The following MAGI1 variants were observed in gnomAD, a reference collection of about 807,000 sequenced individuals.
MAGI1 encodes the protein membrane-associated guanylate kinase, WW and PDZ domain-containing protein 1.
In MAGI1, 58 loss-of-function variants were observed where a neutral mutation model predicts 139.9. That is an observed-to-expected ratio of 0.41 (90% CI 0.34 to 0.52). The LOEUF (loss-of-function observed/expected upper bound fraction) is 0.52, where lower values mean the gene tolerates loss of function less well. Ranked by LOEUF, MAGI1 falls within the 20% of genes least tolerant of loss-of-function variation. MAGI1 has a pLI of 0.12. For missense variants in MAGI1, 1,874 were observed against 1,901.6 expected (o/e 0.99, Z 0.27); for synonymous variants, 812 against 737.9 (o/e 1.10, Z -1.63).
intron 1 of MAGI1, among the ~76,000 whole-genome samples, chr3:65,749,333 T>C (rs1229138708): frequency 6.6e-6 from 1 of 152,150 alleles, no homozygotes; most frequent in Non-Finnish European, 1.5e-5. Context: ...TGATTCTATG[T>C]AAAACATGAC....
rs1170215972 is a variant in MAGI1, at chr3:65,548,511, C to CTTTTTTTTTTTTT, written c.431-54893_431-54881dup. On this transcript the variant is annotated intron_variant, in intron 2 of 22. Transcript: ENST00000402939. The stretch of plus-strand genomic sequence containing the variant: ...AGCCCAGCTTTATGCAAACAACACT[C>CTTTTTTTTTTTTT]TTTTTTTTTTTTTTTTTTTTTTTTT... 2.3e-4 allele frequency among the ~76,000 whole-genome samples: 20 copies of CTTTTTTTTTTTTT among 87,386 alleles called. 2 individuals carry two copies. Among genetic ancestry groups the CTTTTTTTTTTTTT allele is most frequent in the Admixed American group, 7.6e-4 (5 of 6,596 alleles). 57.3% of individuals were successfully genotyped at this position (87,386 alleles called of 152,430 possible).
At position 65,437,114 on chromosome 3, in the gene MAGI1, G is replaced by C. The variant is rs183626369; in HGVS notation, c.1363+41C>G. The C allele has an allele frequency of 1.5e-3, 2,044 of 1,388,258 alleles. 18 individuals are homozygous for C. Among genetic ancestry groups the C allele is most frequent in the Non-Finnish European group, 9.3e-4 (929 of 997,286 alleles). 86.0% of individuals were successfully genotyped at this position (1,388,258 alleles called of 1,614,324 possible). ...AATACCTTAAAAAAAATTAGATTTTGAGCTAAAACCATGACACAATTAGAA... is the reference window on the plus strand; with the variant it reads ...AATACCTTAAAAAAAATTAGATTTTCAGCTAAAACCATGACACAATTAGAA... On this transcript the variant is annotated intron_variant, in intron 10 of 22. Transcript: ENST00000402939.
chr3:65,480,811 C>T (rs1951235028), intron 3 of MAGI1, among the ~76,000 whole-genome samples: 1 of 152,066 alleles, frequency 6.6e-6, no homozygotes, highest in Admixed American at 6.5e-5. Flanking sequence ...TGGTCTGGAA[C>T]TCCTGACCTG....
intron 5 of MAGI1, among the ~76,000 whole-genome samples, chr3:65,456,579 T>C (rs924007677): frequency 1.3e-5 from 2 of 152,332 alleles, no homozygotes; most frequent in Admixed American, 1.3e-4. Context: ...TTGCTTTTGA[T>C]GTCTCTTTGC....
At chr3:65,788,545 C>T (rs2039546759) in intron 1 of MAGI1, among the ~76,000 whole-genome samples, 1 of 152,214 alleles carries the variant, frequency 6.6e-6, no homozygotes, top group Admixed American at 6.5e-5. Context: ...CACACCCCAT[C>T]ACCAGCTGCG....
At chr3:65,922,487 C>A (rs1011901414) in intron 1 of MAGI1, among the ~76,000 whole-genome samples, 1 of 152,036 alleles carries the variant, frequency 6.6e-6, no homozygotes, top group African/African-American at 2.4e-5. Context: ...TGGAATGACA[C>A]AGATACAAAC....
chr3:65,964,121 T>C (rs1023150642), intron 1 of MAGI1, among the ~76,000 whole-genome samples: 2 of 152,178 alleles, frequency 1.3e-5, no homozygotes, highest in African/African-American at 2.4e-5. Context: ...CCAACACAAT[T>C]TTAACCCATT....
intron 1 of MAGI1, among the ~76,000 whole-genome samples, chr3:65,968,440 A>G (rs992421165): frequency 3.9e-5 from 6 of 152,196 alleles, no homozygotes; most frequent in Admixed American, 3.3e-4. Flanking sequence ...ACTCCAAGTC[A>G]TTGAAAAGAA....
intron 20 of MAGI1, 69 bp downstream of exon 20, chr3:65,364,596 A>G: frequency 7.2e-7 from 1 of 1,390,726 alleles, no homozygotes; most frequent in Non-Finnish European, 1.0e-6. Flanking sequence ...AAAATATCCC[A>G]TAAAAGTAGC....
chr3:65,777,631 G>C (rs1239017253), intron 1 of MAGI1, among the ~76,000 whole-genome samples: 3 of 108,306 alleles, frequency 2.8e-5, no homozygotes, highest in African/African-American at 1.0e-4. Context: ...AACAGAGTGA[G>C]ACTCTTATCA....
At chr3:65,910,855 C>CTTTTTTGTTTTTTTT (rs2061634445) in intron 1 of MAGI1, among the ~76,000 whole-genome samples, 1 of 59,484 alleles carries the variant, frequency 1.7e-5, no homozygotes, top group Non-Finnish European at 2.7e-5. Context: ...ACATGGTGGA[C>CTTTTTTGTTTTTTTT]TTTTTTTTTT....
intron 1 of MAGI1, chr3:65,687,580 T>C (rs982017319): frequency 5.2e-6 from 2 of 385,810 alleles, no homozygotes; most frequent in South Asian, 2.1e-5. Flanking sequence ...TCCAGGGACA[T>C]CTGAAGTGCA....
intron 9 of MAGI1, among the ~76,000 whole-genome samples, chr3:65,438,177 T>C (rs901570358): frequency 6.6e-6 from 1 of 152,138 alleles, no homozygotes; most frequent in Non-Finnish European, 1.5e-5. Context: ...ATGTATGCCA[T>C]GGAATACTGT....
At chr3:65,783,548 C>A (rs996213904) in intron 1 of MAGI1, among the ~76,000 whole-genome samples, 17 of 152,040 alleles carry the variant, frequency 1.1e-4, no homozygotes, top group Non-Finnish European at 5.9e-5. Flanking sequence ...GGCTGGAGTG[C>A]AGTGGCACGA....
chr3:66,026,903 A>T (rs977224744), intron 1 of MAGI1, among the ~76,000 whole-genome samples: 5 of 151,882 alleles, frequency 3.3e-5, no homozygotes, highest in Non-Finnish European at 5.9e-5. Context: ...CTCTACATTG[A>T]CATGAGGGCT....
At chr3:65,398,123 A>T (rs565594407) in intron 13 of MAGI1, among the ~76,000 whole-genome samples, 36 of 152,152 alleles carry the variant, frequency 2.4e-4, no homozygotes, top group Non-Finnish European at 4.0e-4. Context: ...CTTCACACCA[A>T]ACCTGTTATT....
chr3:65,502,288 G>C (rs930951295), intron 2 of MAGI1, among the ~76,000 whole-genome samples: 1 of 152,210 alleles, frequency 6.6e-6, no homozygotes, highest in African/African-American at 2.4e-5. Context: ...TGTAGCCTAA[G>C]GCTCTGAGCC....
chr3:65,382,692 C>A (rs763172584), intron 15 of MAGI1, among the ~76,000 whole-genome samples: 19 of 152,158 alleles, frequency 1.2e-4, no homozygotes, highest in Non-Finnish European at 2.2e-4. Context: ...TTATAGTTTA[C>A]AAAGAACTTT....
chr3:65,676,233 G>A (rs1000065366), intron 1 of MAGI1, among the ~76,000 whole-genome samples: 1 of 152,054 alleles, frequency 6.6e-6, no homozygotes, highest in Admixed American at 6.6e-5. Context: ...TGAGACTTAC[G>A]CACTCACACA....
Sources: allele counts gnomAD v4.1 joint callset (sites outside exome capture counted in the v4.1 genomes callset), GRCh38; gene constraint gnomAD v4.1.1; transcripts MANE v1.5; gene names NCBI Gene and HGNC (gene_info 2026-07-23, HGNC 2026-07-21).